Variants in TNRC6A observed in about 807,000 individuals in gnomAD.
TNRC6A encodes the protein trinucleotide repeat containing adaptor 6A, also known as trinucleotide repeat-containing gene 6A protein.
Under a neutral mutation model 221.2 loss-of-function variants are expected in TNRC6A, and 44 were observed. The observed-to-expected ratio is 0.20, with a 90% confidence interval of 0.16 to 0.26. The LOEUF is 0.26. TNRC6A is among the 10% of genes least tolerant of loss of function. The pLI is 1.00. For missense variants in TNRC6A, 2,199 were observed against 2,404.4 expected, an observed-to-expected ratio of 0.91 and a Z score of 1.79; for synonymous variants, 847 against 838.5, an observed-to-expected ratio of 1.01 and a Z score of -0.18.
At chr16:24,700,242 C>CT (rs904319866) in intron 2 of TNRC6A, among the ~76,000 whole-genome samples, 57 of 148,814 alleles carry the variant, frequency 3.8e-4, no homozygotes, top group East Asian at 1.8e-3. Flanking sequence ...CTGAATTTTT[C>CT]TTTTTTTTTT....
At chr16:24,660,246 T>A (rs1034539013) in intron 2 of TNRC6A, among the ~76,000 whole-genome samples, 2 of 152,108 alleles carry the variant, frequency 1.3e-5, no homozygotes, top group African/African-American at 4.8e-5. Flanking sequence ...CCTGTCCCCC[T>A]GAGTCCCCAA....
chr16:24,736,724 A>G (rs543993442), intron 2 of TNRC6A, among the ~76,000 whole-genome samples: 1 of 152,104 alleles, frequency 6.6e-6, no homozygotes, highest in East Asian at 1.9e-4. Flanking sequence ...AAGTAAATTA[A>G]CCGAAAGGTT....
At chr16:24,776,761 C>G (rs1360757391) in intron 4 of TNRC6A, 172 bp from the exon 5 acceptor site, 2 of 985,270 alleles carry the variant, frequency 2.0e-6, no homozygotes, top group Non-Finnish European at 2.4e-6. Flanking sequence ...TGACTCTTGG[C>G]AGTGACATCT....
At chr16:24,722,720 C>T (rs748971370) in intron 2 of TNRC6A, among the ~76,000 whole-genome samples, 13 of 152,018 alleles carry the variant, frequency 8.6e-5, no homozygotes, top group Non-Finnish European at 1.9e-4. Flanking sequence ...AGGTGTGAGC[C>T]ACAACTCTTA....
chr16:24,777,416 G>T, intron 5 of TNRC6A, 58 bp downstream of exon 5: 1 of 1,526,600 alleles, frequency 6.6e-7, no homozygotes, highest in Non-Finnish European at 8.8e-7. Flanking sequence ...TGTATAGCAA[G>T]TTGATAAATT....
At position 24,723,938 on chromosome 16, in the gene TNRC6A, G is replaced by A. The variant is rs550657231; in HGVS notation, n.403-26788G>A. On this transcript the variant is annotated intron_variant and non_coding_transcript_variant, in intron 2 of 2. Coordinates refer to the TNRC6A transcript ENST00000566108. ...TTTATAGTAGTGATAGTACACATAG[G>A]TGTCAAGACCTAGCTACCCCACTGC... is the stretch of plus-strand genomic sequence containing the variant. Among the ~76,000 whole-genome samples the A allele has an allele frequency of 5.9e-5, 9 of 152,274 alleles. No homozygotes were observed. The South Asian group carries it at 1.9e-3, about 32-fold the overall frequency.
chr16:24,730,182 C>T (rs1596560646), intron 1 of TNRC6A, 71 bp from the exon 2 acceptor site: 4 of 1,473,214 alleles, frequency 2.7e-6, no homozygotes, highest in East Asian at 5.4e-5. Context: ...CGCAGCAGCT[C>T]CGTTTTCACG....
At chr16:24,741,139 TACTC>T (rs2056882962) in intron 2 of TNRC6A, among the ~76,000 whole-genome samples, 1 of 152,190 alleles carries the variant, frequency 6.6e-6, no homozygotes, top group Non-Finnish European at 1.5e-5. Flanking sequence ...CGTGCATGCT[TACTC>T]ACACACGCAC....
intron 1 of TNRC6A, among the ~76,000 whole-genome samples, chr16:24,614,252 G>A (rs186435230): frequency 6.6e-6 from 1 of 152,358 alleles, no homozygotes; most frequent in Non-Finnish European, 1.5e-5. Context: ...CATTGTTCAA[G>A]CATTTGCTTG....
intron 9 of TNRC6A, 128 bp downstream of exon 9, chr16:24,796,067 C>A: frequency 1.0e-6 from 1 of 998,518 alleles, no homozygotes; most frequent in Non-Finnish European, 1.6e-6. Context: ...TTCAAATACA[C>A]TAAGATATGA....
At chr16:24,775,407 G>A (rs1425284823) in intron 4 of TNRC6A, among the ~76,000 whole-genome samples, 2 of 151,842 alleles carry the variant, frequency 1.3e-5, no homozygotes, top group Non-Finnish European at 2.9e-5. Context: ...AAAAAAAAGA[G>A]GCTAAGATCA....
Position 24,824,893 on chromosome 16 carries a change from A to G in TNRC6A, c.*1086A>G, listed in dbSNP as rs80182361. On this transcript the variant is annotated 3_prime_UTR_variant, in exon 25 of 25. Coordinates refer to ENST00000395799, the MANE Select transcript of TNRC6A (RefSeq NM_014494.4). ...TCTCTGCCAAAAAAAAAGAAAAAAC[A>G]AAAAAACGCTTAAAGCTGGAGTTTG... is the stretch of plus-strand genomic sequence containing the variant. 0.014 allele frequency: 2,159 copies of G among 152,626 alleles called. 24 individuals are homozygous for G. Among genetic ancestry groups the G allele is most frequent in the Admixed American group, 0.022 (338 of 15,310 alleles). The allele number at this position is 152,626 out of a possible 1,614,324, so 9.5% of individuals were successfully genotyped here.
At chr16:24,822,293 C>T (rs913171009) in intron 23 of TNRC6A, 146 bp downstream of exon 23, 4 of 744,696 alleles carry the variant, frequency 5.4e-6, no homozygotes, top group African/African-American at 5.3e-5. Flanking sequence ...AGACCTCAGG[C>T]AGGCTGTGGT....
chr16:24,615,537 G>A (rs1900297874), intron 1 of TNRC6A, among the ~76,000 whole-genome samples: 1 of 152,172 alleles, frequency 6.6e-6, no homozygotes, highest in Non-Finnish European at 1.5e-5. Context: ...TGCAGGAGGT[G>A]GAAAGAGGAG....
chr16:24,698,829 G>A (rs2142193281), intron 2 of TNRC6A, among the ~76,000 whole-genome samples: 1 of 152,266 alleles, frequency 6.6e-6, no homozygotes, highest in Non-Finnish European at 1.5e-5. Context: ...TCCTGCCTCA[G>A]CCTCCCAAGT....
chr16:24,715,396 T>C (rs1041701355), intron 2 of TNRC6A, among the ~76,000 whole-genome samples: 2 of 151,868 alleles, frequency 1.3e-5, no homozygotes, highest in Admixed American at 1.3e-4. Flanking sequence ...TTAAGCCTTG[T>C]TGGGCACAAC....
intron 20 of TNRC6A, among the ~76,000 whole-genome samples, chr16:24,817,837 A>T (rs1342121530): frequency 6.6e-6 from 1 of 152,140 alleles, no homozygotes; most frequent in Non-Finnish European, 1.5e-5. Flanking sequence ...TCTGCCCGCT[A>T]TGGGAACACT....
At chr16:24,757,227 T>TA (rs779264174) in intron 3 of TNRC6A, among the ~76,000 whole-genome samples, 11 of 152,150 alleles carry the variant, frequency 7.2e-5, no homozygotes, top group African/African-American at 1.2e-4. Flanking sequence ...GCAAAGCACT[T>TA]ACGTGGTGGA....
rs1458030206 is a variant in TNRC6A, at chr16:24,767,229, G to A, written c.163+8869G>A. Among the ~76,000 whole-genome samples the A allele has an allele frequency of 2.6e-5, 4 of 152,186 alleles. No homozygotes were observed. The South Asian group carries it at 6.2e-4, about 24-fold the overall frequency. ...CAGGTGCCCCATTGGGAATACATACGCTGAAGATGCAAATACATGTTCAGA... is the reference window on the plus strand; with the variant it reads ...CAGGTGCCCCATTGGGAATACATACACTGAAGATGCAAATACATGTTCAGA... On this transcript the variant is annotated intron_variant, in intron 4 of 24. Coordinates refer to ENST00000395799, the MANE Select transcript of TNRC6A (RefSeq NM_014494.4).
Sources: gnomAD v4.1 joint callset for allele counts (sites outside exome capture counted in the v4.1 genomes callset) on GRCh38, gnomAD v4.1.1 for gene constraint, MANE v1.5 for transcripts, NCBI Gene and HGNC (gene_info 2026-07-23, HGNC 2026-07-21) for gene names.